Variants in DMD observed in about 807,000 individuals in gnomAD.
DMD encodes dystrophin.
A neutral mutation model predicts 330.1 loss-of-function variants in DMD; 63 were observed. The observed-to-expected ratio is 0.19, with a 90% CI of 0.16 to 0.24. The LOEUF (loss-of-function observed/expected upper bound fraction) is 0.24, where lower values mean the gene tolerates loss of function less well. Ranked by LOEUF, DMD falls within the 10% of genes least tolerant of loss-of-function variation. DMD has a pLI of 1.00. For synonymous variants in DMD, 1,223 were observed against 959.8 expected (o/e 1.27, Z -5.07); for missense variants, 3,344 against 2,684.1 (o/e 1.25, Z -5.43).
In DMD at chrX:33,150,980, T is replaced by C. The variant is rs1373856142; in HGVS notation, c.31+60302A>G. Among the ~76,000 whole-genome samples, 3 of 111,897 alleles carry C rather than the reference T, an allele frequency of 2.7e-5. No homozygotes were observed. In the Admixed American group the frequency reaches 2.9e-4, roughly 11 times the overall value. On this transcript the variant is annotated intron_variant, in intron 1 of 78. Coordinates refer to ENST00000357033, the MANE Select transcript of DMD (RefSeq NM_004006.3). The stretch of plus-strand genomic sequence containing the variant: ...ATCACATATAGCTGTGAACAAAATA[T>C]CAACATTTTAAAACTATATACCAGA...
rs765560249 is a variant in DMD, at chrX:31,864,612, C to T, written c.7098+10576G>A. ...TCAAGCAATTCTCATGCCTCAGCCT[C>T]CCAGGTAGCTGGGACTACAGGTGCG... is the stretch of plus-strand genomic sequence containing the variant. On this transcript the variant is annotated intron_variant, in intron 48 of 78. Transcript: ENST00000357033. 3.7e-5 allele frequency among the ~76,000 whole-genome samples: 4 copies of T among 108,019 alleles called. 1 individual carries two copies. The Admixed American group carries it at 4.0e-4, about 11-fold the overall frequency. The allele number at this position is 108,019 out of a possible 115,157, so 93.8% of individuals were successfully genotyped here. A position where few individuals can be genotyped will look rare whatever the true frequency, so the allele number is the denominator to read the frequency against.
At position 32,089,964 on chromosome X, in the gene DMD, A is replaced by C. The variant is rs747017167; in HGVS notation, c.6439-121450T>G. 7.1e-5 allele frequency among the ~76,000 whole-genome samples: 8 copies of C among 112,196 alleles called. No individual in the cohort carries two copies. The South Asian group carries it at 2.6e-3, about 36-fold the overall frequency. On this transcript the variant is annotated intron_variant, in intron 44 of 78. Transcript: ENST00000357033. ...TAAATCCCTATCCTTCTAGGAAGTT[A>C]TTTGAAGTAGTCAAGAACTACACAG...
intron 44 of DMD, among the ~76,000 whole-genome samples, chrX:31,976,598 G>A (rs988535440): frequency 4.5e-5 from 5 of 110,905 alleles, no homozygotes; most frequent in African/African-American, 6.6e-5. Context: ...TTGAGAGGCC[G>A]TATGATTCCC....
intron 25 of DMD, among the ~76,000 whole-genome samples, chrX:32,459,812 T>C (rs1391082516): frequency 5.4e-5 from 6 of 111,183 alleles, no homozygotes; most frequent in Non-Finnish European, 1.1e-4. Flanking sequence ...CATGTTAGGA[T>C]AGGAATAATA....
At chrX:32,505,375 A>G (rs2044513924) in intron 18 of DMD, among the ~76,000 whole-genome samples, 2 of 112,562 alleles carry the variant, frequency 1.8e-5, no homozygotes, top group African/African-American at 6.5e-5. Flanking sequence ...ACACCTCACC[A>G]AAGGAAGTAT....
intron 44 of DMD, among the ~76,000 whole-genome samples, chrX:32,121,193 A>G (rs1383105037): frequency 8.9e-6 from 1 of 111,848 alleles, no homozygotes; most frequent in African/African-American, 3.3e-5. Flanking sequence ...AATGCATTTG[A>G]AAATAATAAC....
At chrX:32,194,097 C>A (rs367997097) in intron 44 of DMD, among the ~76,000 whole-genome samples, 2 of 112,421 alleles carry the variant, frequency 1.8e-5, no homozygotes, top group Non-Finnish European at 3.8e-5. Context: ...TAACTACATA[C>A]AAAACTATCA....
chrX:32,379,580 CCTA>C (rs1327917433), intron 34 of DMD, among the ~76,000 whole-genome samples: 1 of 111,005 alleles, frequency 9.0e-6, no homozygotes, highest in African/African-American at 3.3e-5. Context: ...AATTTAATTC[CCTA>C]CTATTTATTT....
chrX:32,084,640 G>T (rs2096417479), intron 44 of DMD, among the ~76,000 whole-genome samples: 1 of 111,577 alleles, frequency 9.0e-6, no homozygotes. Flanking sequence ...AATATCAGTT[G>T]TTTGCAATAG....
chrX:32,644,287 A>G lies in DMD; in HGVS notation c.1176T>C (p.His392=), dbSNP rs1057521572. The G allele has an allele frequency of 8.3e-7, 1 of 1,211,068 alleles. No individual in the cohort carries two copies. The highest frequency in any genetic ancestry group is 1.1e-6 in the Non-Finnish European group (1 of 895,198). Residue 392 remains histidine, a synonymous_variant, in exon 11 of 79, where the codon CAT becomes CAC. Transcript: ENST00000357033. ...HEGYMMDLTA[H]QGRVGNILQL... ...GTAGAATATTACCAACCCGGCCCTG[A>G]TGGGCTGTCAAATCCATCATGTACC...
intron 9 of DMD, among the ~76,000 whole-genome samples, chrX:32,665,490 G>C (rs1195624579): frequency 8.9e-6 from 1 of 112,152 alleles, no homozygotes; most frequent in Non-Finnish European, 1.9e-5. Flanking sequence ...CACTTAAGAA[G>C]CAATGTCTTA....
rs367549418 is a variant in DMD, at chrX:33,263,176, A to G, written c.7+76083T>C. 1.4e-3 allele frequency among the ~76,000 whole-genome samples: 158 copies of G among 110,619 alleles called. 2 individuals are homozygous for G. In the South Asian group the frequency reaches 0.039, roughly 27 times the overall value. On this transcript the variant is annotated intron_variant, in intron 1 of 17. Coordinates refer to the DMD transcript ENST00000288447. ...TGTTTGACATATTTCATAATAATAA[A>G]ATATATACATGTATCAAAATAGCTC...
chrX:31,707,517 T>C (rs1381420626), intron 52 of DMD, among the ~76,000 whole-genome samples: 1 of 110,846 alleles, frequency 9.0e-6, no homozygotes, highest in Non-Finnish European at 1.9e-5. Flanking sequence ...TCAGTTACTA[T>C]GCTCACTAAC....
intron 44 of DMD, among the ~76,000 whole-genome samples, chrX:32,032,177 T>G (rs1377329099): frequency 8.9e-6 from 1 of 111,748 alleles, no homozygotes; most frequent in East Asian, 2.8e-4. Flanking sequence ...TATATTTTAT[T>G]GTTTATTTGA....
chrX:32,783,293 CA>C (rs772777017), intron 7 of DMD, among the ~76,000 whole-genome samples: 71 of 99,153 alleles, frequency 7.2e-4, no homozygotes, highest in Admixed American at 8.8e-4. Context: ...CATATATACA[CA>C]CATATATGTA....
At chrX:31,266,375 C>T (rs910784001) in intron 62 of DMD, among the ~76,000 whole-genome samples, 1 of 111,583 alleles carries the variant, frequency 9.0e-6, no homozygotes, top group African/African-American at 3.3e-5. Context: ...ACTTGCAGTG[C>T]AATGGAAGGT....
At chrX:32,375,120 T>A (rs771523364) in intron 34 of DMD, among the ~76,000 whole-genome samples, 1 of 111,040 alleles carries the variant, frequency 9.0e-6, no homozygotes, top group East Asian at 2.8e-4. Flanking sequence ...TTGGTTCCAC[T>A]TTGATGAAAA....
chrX:31,520,383 C>T (rs1244752030), intron 55 of DMD, among the ~76,000 whole-genome samples: 1 of 111,230 alleles, frequency 9.0e-6, no homozygotes, highest in East Asian at 2.8e-4. Context: ...CTCTCTCCTG[C>T]TGCCTTGTGA....
At chrX:31,747,187 A>T (rs2087915356) in intron 51 of DMD, among the ~76,000 whole-genome samples, 1 of 111,361 alleles carries the variant, frequency 9.0e-6, no homozygotes, top group Non-Finnish European at 1.9e-5. Context: ...TGGGGGTAGG[A>T]GGTGTTAGAC....
Sources: gnomAD v4.1 joint callset for allele counts (sites outside exome capture counted in the v4.1 genomes callset) on GRCh38, gnomAD v4.1.1 for gene constraint, MANE v1.5 for transcripts, NCBI Gene and HGNC (gene_info 2026-07-23, HGNC 2026-07-21) for gene names.